The following KIAA1958 variants were observed in gnomAD, a reference collection of about 807,000 sequenced individuals.
KIAA1958 encodes the protein uncharacterized protein KIAA1958.
Under a neutral mutation model 47.2 loss-of-function variants are expected in KIAA1958, and 14 were observed. The ratio of observed to expected loss-of-function variants is 0.30; its 90% CI spans 0.20 to 0.46. The LOEUF (loss-of-function observed/expected upper bound fraction) is 0.46, where lower values mean the gene tolerates loss of function less well. Among genes scored for constraint, KIAA1958 ranks in the 20% least tolerant of loss-of-function variants. The probability of loss-of-function intolerance (pLI) is 1.00; values close to 1 mark genes in which losing one functional copy is unlikely to be tolerated. For synonymous variants in KIAA1958, 354 were observed against 353.3 expected, an observed-to-expected ratio of 1.00 and a Z score of -0.02; for missense variants, 803 against 909.2, an observed-to-expected ratio of 0.88 and a Z score of 1.50.
At chr9:112,529,301 AT>A (rs886085806) in intron 1 of KIAA1958, among the ~76,000 whole-genome samples, 1 of 152,242 alleles carries the variant, frequency 6.6e-6, no homozygotes, top group African/African-American at 2.4e-5. Context: ...CATATCTTAC[AT>A]TTGTGTGGTA....
At chr9:112,614,413 C>T (rs936866091) in intron 2 of KIAA1958, among the ~76,000 whole-genome samples, 1 of 152,034 alleles carries the variant, frequency 6.6e-6, no homozygotes, top group Admixed American at 6.6e-5. Context: ...ATGTATGTTA[C>T]ACCTATTAAA....
chr9:112,547,562 T>C (rs1301936258), intron 1 of KIAA1958, among the ~76,000 whole-genome samples: 1 of 133,398 alleles, frequency 7.5e-6, no homozygotes, highest in Non-Finnish European at 1.6e-5. Context: ...TTGGCCAGCA[T>C]TAACATTAAA....
chr9:112,598,184 T>C (rs1023693006), intron 2 of KIAA1958, among the ~76,000 whole-genome samples: 2 of 152,116 alleles, frequency 1.3e-5, no homozygotes, highest in African/African-American at 2.4e-5. Flanking sequence ...GCCAGGAGTG[T>C]ATTCCTGATG....
intron 2 of KIAA1958, among the ~76,000 whole-genome samples, chr9:112,608,888 AG>A (rs1249726233): frequency 6.6e-6 from 1 of 152,236 alleles, no homozygotes; most frequent in Non-Finnish European, 1.5e-5. Context: ...AAAAAAGAGA[AG>A]AGAGAGAATT....
chr9:112,601,663 G>T (rs992817263), intron 2 of KIAA1958, among the ~76,000 whole-genome samples: 1 of 152,164 alleles, frequency 6.6e-6, no homozygotes, highest in African/African-American at 2.4e-5. Context: ...GACCACAGTT[G>T]ATACAGATGA....
At chr9:112,521,736 A>C (rs950060936) in intron 1 of KIAA1958, among the ~76,000 whole-genome samples, 2 of 152,104 alleles carry the variant, frequency 1.3e-5, no homozygotes, top group African/African-American at 2.4e-5. Context: ...GAAAAAATAC[A>C]TATTCAGGTT....
At chr9:112,592,315 G>T (rs1012605381) in intron 2 of KIAA1958, among the ~76,000 whole-genome samples, 1 of 152,156 alleles carries the variant, frequency 6.6e-6, no homozygotes, top group African/African-American at 2.4e-5. Context: ...ACTGCAGTGA[G>T]CCCAGATCAC....
chr9:112,646,326 A>G (rs1189586018), intron 3 of KIAA1958, among the ~76,000 whole-genome samples: 1 of 152,184 alleles, frequency 6.6e-6, no homozygotes, highest in Non-Finnish European at 1.5e-5. Flanking sequence ...TGTTTTTGCT[A>G]AGGAGAGACT....
intron 1 of KIAA1958, among the ~76,000 whole-genome samples, chr9:112,506,082 G>A (rs1173327312): frequency 2.6e-5 from 4 of 152,150 alleles, no homozygotes; most frequent in Non-Finnish European, 5.9e-5. Context: ...AGTAATTTTT[G>A]AACTATAGGG....
At position 112,645,913 on chromosome 9, in the gene KIAA1958, C is replaced by T. The variant is rs576093746; in HGVS notation, c.1344+91C>T. The T allele has an allele frequency of 7.5e-6, 8 of 1,066,676 alleles. No homozygotes were observed. The East Asian group carries it at 8.4e-5, about 11-fold the overall frequency. 66.1% of individuals were successfully genotyped at this position (1,066,676 alleles called of 1,614,324 possible). On this transcript the variant is annotated intron_variant, in intron 3 of 3. Coordinates refer to ENST00000337530, the MANE Select transcript of KIAA1958 (RefSeq NM_133465.4). ...GCTAAGCATTGTAGGGAACACAGAA[C>T]GGTGGCTTTCTGCCTGGGGAAACTT...
intron 1 of KIAA1958, among the ~76,000 whole-genome samples, chr9:112,549,063 G>A (rs944207970): frequency 6.6e-6 from 1 of 152,188 alleles, no homozygotes; most frequent in Non-Finnish European, 1.5e-5. Context: ...AAGGAATCCT[G>A]TCTGTGGTAT....
At chr9:112,571,862 A>C (rs527937417) in intron 1 of KIAA1958, among the ~76,000 whole-genome samples, 28 of 150,870 alleles carry the variant, frequency 1.9e-4, no homozygotes, top group Non-Finnish European at 4.0e-4. Flanking sequence ...AAATAAAAAA[A>C]GTTCAGAACA....
At chr9:112,556,971 T>C (rs956711158) in intron 1 of KIAA1958, among the ~76,000 whole-genome samples, 1 of 152,080 alleles carries the variant, frequency 6.6e-6, no homozygotes, top group African/African-American at 2.4e-5. Flanking sequence ...GTTCCTTCAG[T>C]ATTCATTCAG....
At chr9:112,602,455 A>G (rs1292208594) in intron 2 of KIAA1958, among the ~76,000 whole-genome samples, 2 of 152,202 alleles carry the variant, frequency 1.3e-5, no homozygotes, top group Non-Finnish European at 2.9e-5. Context: ...GAATGCATCT[A>G]TGGAAGAAGT....
rs1057391733 is a variant in KIAA1958 at position 112,561,878 on chromosome 9, A to C, written c.-24-12179A>C. Among the ~76,000 whole-genome samples the C allele has an allele frequency of 8.6e-5, 13 of 152,026 alleles. No individual in the cohort carries two copies. In the South Asian group the frequency reaches 1.0e-3, roughly 12 times the overall value. ...TCAAACAAACAAACAAACAAACAAA[A>C]AAACTCTGGGATTGATGGATTGATG... On this transcript the variant is annotated intron_variant, in intron 1 of 3. Transcript: ENST00000337530.
At chr9:112,501,927 A>C (rs1359877029) in intron 1 of KIAA1958, among the ~76,000 whole-genome samples, 1 of 152,276 alleles carries the variant, frequency 6.6e-6, no homozygotes, top group East Asian at 1.9e-4. Context: ...TTTACAAAAA[A>C]ATAATAAAAC....
chr9:112,521,558 TTC>T (rs1022085155), intron 1 of KIAA1958, among the ~76,000 whole-genome samples: 3 of 152,178 alleles, frequency 2.0e-5, no homozygotes, highest in African/African-American at 7.2e-5. Context: ...TTTAAAGATT[TTC>T]TCTTAGATTA....
At chr9:112,562,272 A>G (rs1329242202) in intron 1 of KIAA1958, among the ~76,000 whole-genome samples, 2 of 152,218 alleles carry the variant, frequency 1.3e-5, no homozygotes, top group Non-Finnish European at 2.9e-5. Context: ...AATTCTCATA[A>G]TAACACTGTG....
chr9:112,556,064 A>G (rs1835234759), intron 1 of KIAA1958, among the ~76,000 whole-genome samples: 1 of 152,186 alleles, frequency 6.6e-6, no homozygotes, highest in Admixed American at 6.5e-5. Flanking sequence ...GGGGGACAAG[A>G]GTGAAACTCT....
Sources: allele counts gnomAD v4.1 joint callset (sites outside exome capture counted in the v4.1 genomes callset), GRCh38; gene constraint gnomAD v4.1.1; transcripts MANE v1.5; gene names NCBI Gene and HGNC (gene_info 2026-07-23, HGNC 2026-07-21).